The following SLC9A9 variants were observed in gnomAD, a reference collection of about 807,000 sequenced individuals.
SLC9A9 encodes sodium/hydrogen exchanger 9.
SLC9A9 carries 62 observed loss-of-function variants against 77.8 expected under a neutral mutation model. The ratio of observed to expected loss-of-function variants is 0.80; its 90% CI spans 0.65 to 0.98. The LOEUF (loss-of-function observed/expected upper bound fraction) is 0.98. SLC9A9 is among the 50% of genes least tolerant of loss of function. SLC9A9 has a pLI of 0.00. For missense variants in SLC9A9, 775 were observed against 774.9 expected, an observed-to-expected ratio of 1.00 and a Z score of 0.00; for synonymous variants, 320 against 283.5, an observed-to-expected ratio of 1.13 and a Z score of -1.29.
At chr3:143,395,281 C>T (rs1254464730) in intron 12 of SLC9A9, among the ~76,000 whole-genome samples, 2 of 152,118 alleles carry the variant, frequency 1.3e-5, no homozygotes, top group Non-Finnish European at 2.9e-5. Flanking sequence ...ACAGAGCCCT[C>T]AGAAATAAAC....
chr3:143,459,776 T>C lies in SLC9A9; in HGVS notation c.1469+7261A>G, dbSNP rs148625300. Among the ~76,000 whole-genome samples the C allele has an allele frequency of 1.6e-3, 238 of 152,250 alleles. 1 individual carries two copies. The highest frequency in any genetic ancestry group is 5.7e-3 in the African/African-American group (236 of 41,548). Reference sequence around the variant, plus strand: ...GGTCCTCTGGCTAAAAACTCAGAGTTTTAATTTTCCCACAGTGCTGCATAT... The same window carrying C: ...GGTCCTCTGGCTAAAAACTCAGAGTCTTAATTTTCCCACAGTGCTGCATAT... On this transcript the variant is annotated intron_variant, in intron 12 of 15. Transcript: ENST00000316549.
chr3:143,480,611 TG>T (rs2035557570), intron 11 of SLC9A9, among the ~76,000 whole-genome samples: 1 of 152,190 alleles, frequency 6.6e-6, no homozygotes, highest in African/African-American at 2.4e-5. Context: ...CCCATAGCTT[TG>T]CTCACTAATG....
chr3:143,709,704 G>T (rs1934089165), intron 4 of SLC9A9, among the ~76,000 whole-genome samples: 1 of 152,128 alleles, frequency 6.6e-6, no homozygotes, highest in African/African-American at 2.4e-5. Context: ...AATGATTATT[G>T]AATAGCATTG....
chr3:143,707,017 G>C (rs1934000343), intron 4 of SLC9A9, among the ~76,000 whole-genome samples: 1 of 152,150 alleles, frequency 6.6e-6, no homozygotes, highest in Admixed American at 6.5e-5. Context: ...GGAAGATGGA[G>C]AGCAATGCAG....
At chr3:143,628,874 A>G (rs1389285861) in intron 6 of SLC9A9, among the ~76,000 whole-genome samples, 1 of 152,126 alleles carries the variant, frequency 6.6e-6, no homozygotes, top group Non-Finnish European at 1.5e-5. Flanking sequence ...ATACTATTCT[A>G]TTTTCTCCCA....
At chr3:143,746,808 A>T (rs370565785) in intron 4 of SLC9A9, among the ~76,000 whole-genome samples, 48 of 152,290 alleles carry the variant, frequency 3.2e-4, no homozygotes, top group African/African-American at 1.2e-3. Context: ...TTTCTCAGTC[A>T]TTTGCTATCA....
At chr3:143,404,877 C>G (rs2033944642) in intron 12 of SLC9A9, among the ~76,000 whole-genome samples, 1 of 152,210 alleles carries the variant, frequency 6.6e-6, no homozygotes, top group African/African-American at 2.4e-5. Context: ...GTTTTTAAGT[C>G]TTCCTAAAAG....
chr3:143,661,487 CA>C (rs2038977744), intron 5 of SLC9A9, among the ~76,000 whole-genome samples: 1 of 152,134 alleles, frequency 6.6e-6, no homozygotes, highest in African/African-American at 2.4e-5. Context: ...CCTGTCTCTC[CA>C]AGTGCTCCCC....
chr3:143,607,074 C>A (rs1559990706), intron 6 of SLC9A9, among the ~76,000 whole-genome samples: 1 of 151,218 alleles, frequency 6.6e-6, no homozygotes, highest in African/African-American at 2.4e-5. Context: ...TATTTTAAAT[C>A]AATATCAAAA....
At chr3:143,469,945 C>T (rs972609057) in intron 11 of SLC9A9, among the ~76,000 whole-genome samples, 4 of 152,102 alleles carry the variant, frequency 2.6e-5, no homozygotes, top group African/African-American at 9.7e-5. Flanking sequence ...AAAGGCCCCA[C>T]CAGAAGTATT....
rs976252829 is a variant in SLC9A9 at position 143,266,511 on chromosome 3, A to G, written c.*191T>C. The G allele has an allele frequency of 3.1e-6, 2 of 650,226 alleles. No homozygotes were observed. The highest frequency in any genetic ancestry group is 1.9e-5 in the South Asian group (1 of 53,674). 40.3% of individuals were successfully genotyped at this position (650,226 alleles called of 1,614,324 possible). Reference sequence around the variant, plus strand: ...CTGTCAAAAAACTAAATTCATTTGCATAATAGAGAGGGATAATAAAATCTC... The same window carrying G: ...CTGTCAAAAAACTAAATTCATTTGCGTAATAGAGAGGGATAATAAAATCTC... On this transcript the variant is annotated 3_prime_UTR_variant, in exon 16 of 16. Transcript: ENST00000316549.
intron 14 of SLC9A9, among the ~76,000 whole-genome samples, chr3:143,341,325 C>T (rs2032091844): frequency 6.6e-6 from 1 of 152,048 alleles, no homozygotes; most frequent in South Asian, 2.1e-4. Flanking sequence ...CCTCCAATGC[C>T]TGTCAATTTG....
intron 4 of SLC9A9, among the ~76,000 whole-genome samples, chr3:143,711,264 T>C (rs555765887): frequency 3.9e-5 from 6 of 152,294 alleles, no homozygotes; most frequent in East Asian, 1.9e-4. Flanking sequence ...AAGTGAACTT[T>C]TGTAATATTT....
chr3:143,407,656 C>T (rs908239796), intron 12 of SLC9A9, among the ~76,000 whole-genome samples: 2 of 152,126 alleles, frequency 1.3e-5, no homozygotes, highest in East Asian at 3.9e-4. Flanking sequence ...GAATCAGAGT[C>T]AGGGCCTAAA....
At chr3:143,522,884 A>G (rs1349695363) in intron 9 of SLC9A9, among the ~76,000 whole-genome samples, 1 of 152,182 alleles carries the variant, frequency 6.6e-6, no homozygotes, top group African/African-American at 2.4e-5. Context: ...ACCCTGAAAA[A>G]GAGAGAAAGG....
chr3:143,425,887 C>T (rs1336162082), intron 12 of SLC9A9, among the ~76,000 whole-genome samples: 4 of 152,132 alleles, frequency 2.6e-5, no homozygotes, highest in African/African-American at 9.7e-5. Context: ...GGGTGAAAAA[C>T]TCCATCTGGA....
At chr3:143,762,942 C>A (rs986538203) in intron 4 of SLC9A9, among the ~76,000 whole-genome samples, 1 of 152,132 alleles carries the variant, frequency 6.6e-6, no homozygotes, top group Non-Finnish European at 1.5e-5. Flanking sequence ...AAGCAATCAG[C>A]GGAATGCCAG....
chr3:143,818,309 T>C (rs2009073962), intron 2 of SLC9A9, among the ~76,000 whole-genome samples: 1 of 152,010 alleles, frequency 6.6e-6, no homozygotes, highest in Non-Finnish European at 1.5e-5. Flanking sequence ...AGACTTGTTA[T>C]ATATATATAT....
intron 6 of SLC9A9, among the ~76,000 whole-genome samples, chr3:143,634,414 C>T (rs1016467313): frequency 1.4e-4 from 21 of 152,052 alleles, no homozygotes; most frequent in Non-Finnish European, 2.8e-4. Context: ...GTTATTTCCC[C>T]AAATGCGTCT....
Sources: allele counts gnomAD v4.1 joint callset (sites outside exome capture counted in the v4.1 genomes callset), GRCh38; gene constraint gnomAD v4.1.1; transcripts MANE v1.5; gene names NCBI Gene and HGNC (gene_info 2026-07-23, HGNC 2026-07-21).